The following CNTN5 variants were observed in gnomAD, a reference collection of about 807,000 sequenced individuals.
CNTN5 encodes the protein contactin 5, also known as contactin-5.
A neutral mutation model predicts 129.1 loss-of-function variants in CNTN5; 77 were observed. The observed-to-expected ratio is 0.60, with a 90% CI of 0.50 to 0.72. The LOEUF (loss-of-function observed/expected upper bound fraction) is 0.72, where lower values mean the gene tolerates loss of function less well. Among genes scored for constraint, CNTN5 ranks in the 30% least tolerant of loss-of-function variants. CNTN5 has a pLI of 0.00. For synonymous variants in CNTN5, 509 were observed against 465.6 expected (o/e 1.09, Z -1.20); for missense variants, 1,478 against 1,328.8 (o/e 1.11, Z -1.75).
intron 3 of CNTN5, among the ~76,000 whole-genome samples, chr11:99,609,173 C>T (rs985668941): frequency 1.3e-5 from 2 of 152,050 alleles, no homozygotes; most frequent in Non-Finnish European, 2.9e-5. Context: ...GTTCTCTTGC[C>T]TTGTGCTTAT....
At chr11:100,233,966 A>G (rs1949548797) in intron 16 of CNTN5, among the ~76,000 whole-genome samples, 1 of 149,954 alleles carries the variant, frequency 6.7e-6, no homozygotes, top group South Asian at 2.1e-4. Flanking sequence ...AGAAAAAAAC[A>G]ACCCCATCAA....
At chr11:100,135,431 T>A (rs778568167) in intron 13 of CNTN5, among the ~76,000 whole-genome samples, 1 of 152,054 alleles carries the variant, frequency 6.6e-6, no homozygotes, top group Non-Finnish European at 1.5e-5. Flanking sequence ...TGCCTCTACC[T>A]CCCACAGTGC....
At chr11:99,898,334 A>G (rs1046077271) in intron 6 of CNTN5, among the ~76,000 whole-genome samples, 1 of 152,088 alleles carries the variant, frequency 6.6e-6, no homozygotes, top group Non-Finnish European at 1.5e-5. Flanking sequence ...AAGGAAAAAA[A>G]AGAGAGAAGA....
At chr11:99,369,315 C>T (rs1010075657) in intron 2 of CNTN5, among the ~76,000 whole-genome samples, 2 of 149,018 alleles carry the variant, frequency 1.3e-5, no homozygotes, top group Non-Finnish European at 3.0e-5. Flanking sequence ...CAAGAAGGAA[C>T]CTTTGTAACA....
intron 2 of CNTN5, among the ~76,000 whole-genome samples, chr11:99,530,874 A>C (rs1044655292): frequency 5.3e-5 from 8 of 152,206 alleles, no homozygotes; most frequent in African/African-American, 1.9e-4. Context: ...ACTGTAAGTC[A>C]AATTAAACCT....
intron 2 of CNTN5, among the ~76,000 whole-genome samples, chr11:99,527,961 A>G (rs530709575): frequency 1.2e-4 from 18 of 152,330 alleles, no homozygotes; most frequent in African/African-American, 3.8e-4. Flanking sequence ...AAAGGCAACA[A>G]ATCATGTAAT....
intron 8 of CNTN5, among the ~76,000 whole-genome samples, chr11:99,969,110 A>G (rs1951179327): frequency 6.6e-6 from 1 of 150,488 alleles, no homozygotes; most frequent in East Asian, 2.0e-4. Flanking sequence ...TTAAAAAACA[A>G]CTTGAATTTC....
At chr11:99,854,548 A>G (rs1419021895) in intron 6 of CNTN5, among the ~76,000 whole-genome samples, 28 of 152,192 alleles carry the variant, frequency 1.8e-4, no homozygotes, top group Admixed American at 1.8e-3. Flanking sequence ...ATAAAAACAT[A>G]TGGAGGAGTT....
At chr11:99,900,376 A>C (rs1247610159) in intron 6 of CNTN5, among the ~76,000 whole-genome samples, 1 of 151,934 alleles carries the variant, frequency 6.6e-6, no homozygotes, top group Non-Finnish European at 1.5e-5. Flanking sequence ...TGGAAAAAAA[A>C]CACATTTGAT....
At chr11:99,771,781 G>A (rs1342431889) in intron 3 of CNTN5, among the ~76,000 whole-genome samples, 3 of 151,902 alleles carry the variant, frequency 2.0e-5, no homozygotes, top group Non-Finnish European at 4.4e-5. Flanking sequence ...TGCTAAGATG[G>A]TAGATCTTAA....
At chr11:100,160,694 A>G (rs1352774014) in intron 13 of CNTN5, among the ~76,000 whole-genome samples, 1 of 151,962 alleles carries the variant, frequency 6.6e-6, no homozygotes, top group African/African-American at 2.4e-5. Flanking sequence ...AGTCAACTAT[A>G]CATTCATAAA....
intron 4 of CNTN5, among the ~76,000 whole-genome samples, chr11:99,839,146 G>A (rs750255745): frequency 2.0e-5 from 3 of 151,996 alleles, no homozygotes; most frequent in Non-Finnish European, 2.9e-5. Context: ...GGCATGAAAA[G>A]GTTACTTTCA....
intron 2 of CNTN5, among the ~76,000 whole-genome samples, chr11:99,516,759 T>C (rs889813013): frequency 2.0e-5 from 3 of 152,130 alleles, no homozygotes; most frequent in Admixed American, 2.0e-4. Flanking sequence ...TTCTTGTTAA[T>C]GAAATTCACT....
intron 13 of CNTN5, among the ~76,000 whole-genome samples, chr11:100,089,034 C>G (rs1471983989): frequency 6.6e-6 from 1 of 151,978 alleles, no homozygotes; most frequent in Non-Finnish European, 1.5e-5. Context: ...CCAATTGACC[C>G]TGATTAGGTA....
chr11:99,688,430 C>A (rs1367042165), intron 3 of CNTN5, among the ~76,000 whole-genome samples: 1 of 152,048 alleles, frequency 6.6e-6, no homozygotes, highest in African/African-American at 2.4e-5. Context: ...TTATTTTGAA[C>A]ATGAATTATT....
intron 3 of CNTN5, among the ~76,000 whole-genome samples, chr11:99,755,943 T>C (rs1214132625): frequency 2.0e-5 from 3 of 152,122 alleles, no homozygotes; most frequent in Admixed American, 2.0e-4. Flanking sequence ...TTTAAAAAGA[T>C]TTTGTTTTAA....
At chr11:99,428,630 C>A (rs971327949) in intron 2 of CNTN5, among the ~76,000 whole-genome samples, 3 of 149,404 alleles carry the variant, frequency 2.0e-5, no homozygotes, top group Admixed American at 6.7e-5. Flanking sequence ...TTGAAAATAA[C>A]CCAGATATTT....
At chr11:99,847,437 T>C (rs1487025284) in intron 6 of CNTN5, among the ~76,000 whole-genome samples, 2 of 152,212 alleles carry the variant, frequency 1.3e-5, no homozygotes, top group Non-Finnish European at 2.9e-5. Flanking sequence ...ATCTGCTTAT[T>C]TTTAACTTAA....
chr11:99,407,431 C>T (rs1456863571), intron 2 of CNTN5, among the ~76,000 whole-genome samples: 1 of 73,978 alleles, frequency 1.4e-5, no homozygotes. Flanking sequence ...ATCCAAGATG[C>T]AAGGCAAAGT....
Sources: gnomAD v4.1 joint callset for allele counts (sites outside exome capture counted in the v4.1 genomes callset) on GRCh38, gnomAD v4.1.1 for gene constraint, MANE v1.5 for transcripts, NCBI Gene and HGNC (gene_info 2026-07-23, HGNC 2026-07-21) for gene names.